The following PHACTR1 variants were observed in gnomAD, a reference collection of about 807,000 sequenced individuals.
The protein encoded by PHACTR1 is phosphatase and actin regulator 1, also known as RPEL repeat containing 1.
A neutral mutation model predicts 69.2 loss-of-function variants in PHACTR1; 16 were observed. That is an observed-to-expected ratio of 0.23 (90% confidence interval 0.16 to 0.35). The LOEUF (loss-of-function observed/expected upper bound fraction) is 0.35. PHACTR1 is among the 10% of genes least tolerant of loss of function. The pLI, the probability that PHACTR1 is intolerant of heterozygous loss-of-function variation, is 1.00. For missense variants in PHACTR1, 510 were observed against 734.7 expected, an observed-to-expected ratio of 0.69 and a Z score of 3.54; for synonymous variants, 312 against 284.5, an observed-to-expected ratio of 1.10 and a Z score of -0.97.
chr6:12,914,217 C>T (rs1786720062), intron 4 of PHACTR1, among the ~76,000 whole-genome samples: 1 of 152,152 alleles, frequency 6.6e-6, no homozygotes, highest in Admixed American at 6.5e-5. Flanking sequence ...CCAGGATGGT[C>T]TCAATCTCTT....
At chr6:12,887,617 A>C (rs1783765448) in intron 4 of PHACTR1, among the ~76,000 whole-genome samples, 1 of 152,124 alleles carries the variant, frequency 6.6e-6, no homozygotes, top group East Asian at 1.9e-4. Context: ...TCATTTGCCA[A>C]ATGCTTTCAA....
At chr6:13,117,101 G>T (rs1329051942) in intron 5 of PHACTR1, among the ~76,000 whole-genome samples, 2 of 152,168 alleles carry the variant, frequency 1.3e-5, no homozygotes, top group African/African-American at 4.8e-5. Flanking sequence ...CCAAGGACAA[G>T]GTGTCCCATG....
chr6:12,721,392 AC>A (rs1004893638), intron 3 of PHACTR1, among the ~76,000 whole-genome samples: 5 of 152,094 alleles, frequency 3.3e-5, no homozygotes, highest in Non-Finnish European at 7.4e-5. Flanking sequence ...AAAAAAAAAA[AC>A]TTCACAATGA....
chr6:13,132,432 C>T (rs1820607138), intron 5 of PHACTR1, among the ~76,000 whole-genome samples: 1 of 152,170 alleles, frequency 6.6e-6, no homozygotes, highest in Non-Finnish European at 1.5e-5. Flanking sequence ...TCTGCAGACA[C>T]CCGTGCTCTC....
Position 12,717,091 on chromosome 6 carries a change from T to C in PHACTR1, c.-282+195T>C, listed in dbSNP as rs538515163. Among the ~76,000 whole-genome samples, 15 of 152,254 alleles carry C rather than the reference T, an allele frequency of 9.9e-5. 1 individual carries two copies. Among genetic ancestry groups the C allele is most frequent in the African/African-American group, 2.9e-4 (12 of 41,536 alleles). On this transcript the variant is annotated intron_variant, in intron 1 of 14. Transcript: ENST00000332995. ...TGACTGATTTGCAGAAGGGAAGAGT[T>C]ATTTTCAGCCTAGATGCCGGTGGCT...
At chr6:12,965,613 G>A (rs1450229773) in intron 4 of PHACTR1, among the ~76,000 whole-genome samples, 1 of 152,210 alleles carries the variant, frequency 6.6e-6, no homozygotes, top group Non-Finnish European at 1.5e-5. Flanking sequence ...AGGCATGAGT[G>A]ATAGTGCTGT....
chr6:13,222,774 T>C (rs117267822), intron 8 of PHACTR1, among the ~76,000 whole-genome samples: 2 of 152,162 alleles, frequency 1.3e-5, no homozygotes, highest in Non-Finnish European at 2.9e-5. Flanking sequence ...TGGCATCTGG[T>C]GGGCAGAGGC....
chr6:12,920,246 T>C (rs1397105474), intron 4 of PHACTR1, among the ~76,000 whole-genome samples: 1 of 152,204 alleles, frequency 6.6e-6, no homozygotes, highest in Non-Finnish European at 1.5e-5. Flanking sequence ...CTGCCTCCAA[T>C]TTACCTGACA....
chr6:12,814,589 A>T (rs951044758), intron 4 of PHACTR1, among the ~76,000 whole-genome samples: 4 of 152,162 alleles, frequency 2.6e-5, no homozygotes, highest in Non-Finnish European at 5.9e-5. Context: ...CCAACCTGTA[A>T]AATAAGGCTT....
intron 4 of PHACTR1, among the ~76,000 whole-genome samples, chr6:12,987,785 A>G (rs1796356073): frequency 6.6e-6 from 1 of 152,200 alleles, no homozygotes; most frequent in African/African-American, 2.4e-5. Flanking sequence ...AAGGGCGAAG[A>G]TTTGCTAGAA....
At chr6:12,878,005 A>G (rs1342889305) in intron 4 of PHACTR1, among the ~76,000 whole-genome samples, 1 of 152,182 alleles carries the variant, frequency 6.6e-6, no homozygotes, top group Non-Finnish European at 1.5e-5. Flanking sequence ...AAAGGCTCCA[A>G]TATGTGTTTC....
chr6:12,769,258 C>T (rs547692902), intron 4 of PHACTR1, among the ~76,000 whole-genome samples: 4 of 152,300 alleles, frequency 2.6e-5, no homozygotes, highest in African/African-American at 7.2e-5. Flanking sequence ...GTGGTGGGTA[C>T]GGTAGTTGCC....
At chr6:12,968,940 G>A (rs554530887) in intron 4 of PHACTR1, among the ~76,000 whole-genome samples, 1 of 151,900 alleles carries the variant, frequency 6.6e-6, no homozygotes, top group African/African-American at 2.4e-5. Context: ...AGAATCTCCC[G>A]GGGATTCTGT....
intron 5 of PHACTR1, among the ~76,000 whole-genome samples, chr6:13,141,617 C>T (rs981106411): frequency 6.6e-6 from 1 of 151,854 alleles, no homozygotes; most frequent in Non-Finnish European, 1.5e-5. Flanking sequence ...AGGATGATGG[C>T]GTTCTGTAAG....
At chr6:13,003,464 AT>A (rs199770813) in intron 4 of PHACTR1, among the ~76,000 whole-genome samples, 2,474 of 152,264 alleles carry the variant, frequency 0.016, 28 homozygotes, top group Non-Finnish European at 0.024. Flanking sequence ...GAAAAGATAG[AT>A]TTACTTCCAG....
At chr6:12,899,104 G>T (rs11751243) in intron 4 of PHACTR1, among the ~76,000 whole-genome samples, 2 of 152,126 alleles carry the variant, frequency 1.3e-5, no homozygotes, top group Non-Finnish European at 2.9e-5. Context: ...GCACCTGTGC[G>T]TGCTTCCCTC....
chr6:13,013,251 C>G (rs576846102), intron 4 of PHACTR1, among the ~76,000 whole-genome samples: 1 of 152,128 alleles, frequency 6.6e-6, no homozygotes, highest in Non-Finnish European at 1.5e-5. Context: ...TTTTAATGAC[C>G]CTGGCGTTAA....
chr6:12,744,619 T>G (rs1765530548), intron 3 of PHACTR1, among the ~76,000 whole-genome samples: 1 of 152,068 alleles, frequency 6.6e-6, no homozygotes, highest in Non-Finnish European at 1.5e-5. Flanking sequence ...GGTTCTTGGA[T>G]TTCACCCAAG....
intron 3 of PHACTR1, among the ~76,000 whole-genome samples, chr6:12,737,240 C>T (rs1764381645): frequency 6.6e-6 from 1 of 152,028 alleles, no homozygotes; most frequent in Non-Finnish European, 1.5e-5. Flanking sequence ...ATAGCTTAGA[C>T]AACTGCAGCA....
Sources: allele counts gnomAD v4.1 joint callset (sites outside exome capture counted in the v4.1 genomes callset), GRCh38; gene constraint gnomAD v4.1.1; transcripts MANE v1.5; gene names NCBI Gene and HGNC (gene_info 2026-07-23, HGNC 2026-07-21).